The following ERBB4 variants were observed in gnomAD, a reference collection of about 807,000 sequenced individuals.
The protein encoded by ERBB4 is receptor tyrosine-protein kinase erbB-4.
A neutral mutation model predicts 158.0 loss-of-function variants in ERBB4; 42 were observed. The ratio of observed to expected loss-of-function variants is 0.27; its 90% confidence interval spans 0.21 to 0.34. The LOEUF (loss-of-function observed/expected upper bound fraction) is 0.34, where lower values mean the gene tolerates loss of function less well. ERBB4 is among the 10% of genes least tolerant of loss of function. ERBB4 has a pLI of 1.00. For missense variants in ERBB4, 1,333 were observed against 1,624.1 expected, an observed-to-expected ratio of 0.82 and a Z score of 3.08; for synonymous variants, 583 against 558.7, an observed-to-expected ratio of 1.04 and a Z score of -0.61.
intron 3 of ERBB4, among the ~76,000 whole-genome samples, chr2:211,904,766 G>A (rs1031432576): frequency 2.0e-5 from 3 of 151,820 alleles, no homozygotes; most frequent in Non-Finnish European, 4.4e-5. Context: ...TTTTATTGGT[G>A]GTCACTGACC....
intron 3 of ERBB4, among the ~76,000 whole-genome samples, chr2:211,923,552 G>C (rs570016546): frequency 6.6e-6 from 1 of 152,206 alleles, no homozygotes; most frequent in South Asian, 2.1e-4. Flanking sequence ...GATGGTGTTG[G>C]AGATTATGCC....
At chr2:211,735,700 A>G (rs1559471284) in intron 5 of ERBB4, among the ~76,000 whole-genome samples, 1 of 152,180 alleles carries the variant, frequency 6.6e-6, no homozygotes, top group Non-Finnish European at 1.5e-5. Flanking sequence ...TTTAAATCTC[A>G]GACCCAGAGA....
At chr2:211,878,662 T>TTTTTG (rs1227895377) in intron 3 of ERBB4, among the ~76,000 whole-genome samples, 1 of 148,524 alleles carries the variant, frequency 6.7e-6, no homozygotes, top group African/African-American at 2.5e-5. Context: ...GTTTTGTTTT[T>TTTTTG]TTTTTTTTCC....
intron 2 of ERBB4, among the ~76,000 whole-genome samples, chr2:212,058,613 C>T (rs570436447): frequency 1.3e-5 from 2 of 152,270 alleles, no homozygotes; most frequent in East Asian, 1.9e-4. Context: ...GGCTTCATCC[C>T]TGGAATGCAA....
intron 1 of ERBB4, among the ~76,000 whole-genome samples, chr2:212,206,481 CATT>C (rs895598451): frequency 2.0e-5 from 3 of 151,776 alleles, no homozygotes; most frequent in African/African-American, 7.3e-5. Context: ...TTTAAAATCT[CATT>C]ATTATTATAA....
chr2:212,374,049 T>C (rs1313646044), intron 1 of ERBB4, among the ~76,000 whole-genome samples: 5 of 121,642 alleles, frequency 4.1e-5, no homozygotes, highest in Non-Finnish European at 7.5e-5. Context: ...TATATCCATA[T>C]ATATATATCC....
At chr2:212,334,642 A>G (rs1050648474) in intron 1 of ERBB4, among the ~76,000 whole-genome samples, 4 of 152,016 alleles carry the variant, frequency 2.6e-5, no homozygotes, top group Admixed American at 2.0e-4. Flanking sequence ...CCTTATTTTT[A>G]TAAGTATTAT....
At chr2:211,515,316 A>C (rs2065993585) in intron 20 of ERBB4, among the ~76,000 whole-genome samples, 1 of 152,094 alleles carries the variant, frequency 6.6e-6, no homozygotes, top group Non-Finnish European at 1.5e-5. Context: ...AGTAATAGAA[A>C]ACCCATTAGA....
chr2:211,861,029 A>T (rs10166094), intron 3 of ERBB4, among the ~76,000 whole-genome samples: 15 of 8,130 alleles, frequency 1.8e-3, no homozygotes, highest in African/African-American at 2.6e-3. Flanking sequence ...TATATATATA[A>T]ATATAATATA....
intron 18 of ERBB4, among the ~76,000 whole-genome samples, chr2:211,622,483 A>G (rs1375389663): frequency 1.3e-5 from 2 of 152,174 alleles, no homozygotes; most frequent in Non-Finnish European, 2.9e-5. Flanking sequence ...TTTTAAGGAT[A>G]TTAGATTATT....
chr2:212,338,779 T>C (rs1432953284), intron 1 of ERBB4, among the ~76,000 whole-genome samples: 2 of 152,104 alleles, frequency 1.3e-5, no homozygotes, highest in African/African-American at 2.4e-5. Context: ...CCAATTTTAA[T>C]AGAATTAAAG....
At chr2:211,820,070 T>A (rs2076961504) in intron 3 of ERBB4, among the ~76,000 whole-genome samples, 1 of 151,854 alleles carries the variant, frequency 6.6e-6, no homozygotes, top group South Asian at 2.1e-4. Context: ...TTCAAATCAT[T>A]AACCATTATT....
chr2:212,003,741 A>C (rs1473385300), intron 2 of ERBB4, among the ~76,000 whole-genome samples: 1 of 152,248 alleles, frequency 6.6e-6, no homozygotes, highest in Non-Finnish European at 1.5e-5. Flanking sequence ...CCTGTTCCAC[A>C]GCCCAGTCCA....
chr2:211,627,567 C>G (rs1482328014), intron 17 of ERBB4, among the ~76,000 whole-genome samples: 1 of 152,152 alleles, frequency 6.6e-6, no homozygotes, highest in African/African-American at 2.4e-5. Flanking sequence ...GTAAAAAGAG[C>G]TAAAATTTAA....
chr2:212,189,556 G>A lies in ERBB4; in HGVS notation c.83-64653C>T, dbSNP rs528832442. 1.1e-3 allele frequency among the ~76,000 whole-genome samples: 163 copies of A among 152,158 alleles called. 2 individuals carry two copies. The highest frequency in any genetic ancestry group is 4.1e-4 in the Non-Finnish European group (28 of 68,018). ...TCTTTCAAGGCTCTTTCTTGAGAGC[G>A]ACATATCAAAGAGCTAGTAATAAGA... On this transcript the variant is annotated intron_variant, in intron 1 of 27. Coordinates refer to ENST00000342788, the MANE Select transcript of ERBB4 (RefSeq NM_005235.3).
At chr2:211,479,073 C>T (rs114303704) in intron 20 of ERBB4, among the ~76,000 whole-genome samples, 2,334 of 152,224 alleles carry the variant, frequency 0.015, 70 homozygotes, top group African/African-American at 0.053. Context: ...CAGTGCTTCT[C>T]AAACTTGAGA....
At chr2:212,189,076 T>G (rs1474274755) in intron 1 of ERBB4, among the ~76,000 whole-genome samples, 1 of 122,834 alleles carries the variant, frequency 8.1e-6, no homozygotes, top group Non-Finnish European at 1.7e-5. Flanking sequence ...TTTCTAACTT[T>G]TTTTTTGGGG....
chr2:212,135,478 C>T (rs767559541), intron 1 of ERBB4, among the ~76,000 whole-genome samples: 7 of 152,090 alleles, frequency 4.6e-5, no homozygotes, highest in Admixed American at 2.6e-4. Flanking sequence ...TAACTTATAA[C>T]TGCATATATA....
At chr2:211,981,702 T>A (rs1394157626) in intron 2 of ERBB4, among the ~76,000 whole-genome samples, 1 of 152,188 alleles carries the variant, frequency 6.6e-6, no homozygotes, top group Non-Finnish European at 1.5e-5. Flanking sequence ...CTTTTGTACA[T>A]ACCAAAGCAG....
Sources: gnomAD v4.1 joint callset for allele counts (sites outside exome capture counted in the v4.1 genomes callset) on GRCh38, gnomAD v4.1.1 for gene constraint, MANE v1.5 for transcripts, NCBI Gene and HGNC (gene_info 2026-07-23, HGNC 2026-07-21) for gene names.